Variants in AUTS2 observed in about 807,000 individuals in gnomAD.
AUTS2 encodes the protein autism susceptibility gene 2 protein.
In AUTS2, 17 loss-of-function variants were observed where a neutral mutation model predicts 112.4. The observed-to-expected ratio is 0.15, with a 90% CI of 0.10 to 0.23. The LOEUF is 0.23. Among genes scored for constraint, AUTS2 ranks in the 10% least tolerant of loss-of-function variants. The probability of loss-of-function intolerance (pLI) is 1.00; values close to 1 mark genes in which losing one functional copy is unlikely to be tolerated. For synonymous variants in AUTS2, 751 were observed against 702.7 expected (o/e 1.07, Z -1.09); for missense variants, 1,510 against 1,701.6 (o/e 0.89, Z 1.98).
intron 2 of AUTS2, among the ~76,000 whole-genome samples, chr7:70,028,814 A>G (rs1255629463): frequency 6.6e-6 from 1 of 152,132 alleles, no homozygotes; most frequent in South Asian, 2.1e-4. Context: ...TTTCACATGA[A>G]ATACTTATCT....
At chr7:70,480,517 G>T (rs556655908) in intron 5 of AUTS2, among the ~76,000 whole-genome samples, 7 of 152,240 alleles carry the variant, frequency 4.6e-5, no homozygotes, top group Non-Finnish European at 7.4e-5. Flanking sequence ...AGGACTGGAG[G>T]GACCAATCCA....
chr7:69,817,234 A>T (rs1303170719), intron 1 of AUTS2, among the ~76,000 whole-genome samples: 1 of 152,222 alleles, frequency 6.6e-6, no homozygotes, highest in East Asian at 1.9e-4. Context: ...CTAAGATATA[A>T]GCAGGATGCT....
chr7:69,742,464 G>A (rs1251106301), intron 1 of AUTS2, among the ~76,000 whole-genome samples: 1 of 152,126 alleles, frequency 6.6e-6, no homozygotes, highest in Non-Finnish European at 1.5e-5. Flanking sequence ...AAATAACAGT[G>A]GCTGTTACAT....
chr7:70,552,098 G>T (rs1291810579), intron 5 of AUTS2, among the ~76,000 whole-genome samples: 1 of 152,124 alleles, frequency 6.6e-6, no homozygotes, highest in Non-Finnish European at 1.5e-5. Flanking sequence ...GTGTATCTTT[G>T]TGTGTGTATG....
intron 4 of AUTS2, among the ~76,000 whole-genome samples, chr7:70,222,102 A>T (rs909684891): frequency 1.1e-4 from 16 of 152,216 alleles, no homozygotes; most frequent in African/African-American, 3.6e-4. Flanking sequence ...TTACCTATGG[A>T]TTAAATTTTT....
intron 5 of AUTS2, among the ~76,000 whole-genome samples, chr7:70,607,739 A>G (rs1447180616): frequency 6.6e-6 from 1 of 152,230 alleles, no homozygotes; most frequent in Admixed American, 6.5e-5. Flanking sequence ...GAAGTGGTAC[A>G]CACAAAAAAA....
chr7:70,517,778 A>G (rs1799478005), intron 5 of AUTS2, among the ~76,000 whole-genome samples: 1 of 151,966 alleles, frequency 6.6e-6, no homozygotes, highest in African/African-American at 2.4e-5. Flanking sequence ...AATGATAGAA[A>G]TTGCTCACTT....
At chr7:70,058,287 C>A (rs925904051) in intron 2 of AUTS2, among the ~76,000 whole-genome samples, 1 of 152,128 alleles carries the variant, frequency 6.6e-6, no homozygotes, top group South Asian at 2.1e-4. Context: ...TGGCTTTGTC[C>A]TATACATGTG....
At chr7:70,780,946 A>G (rs888581018) in intron 14 of AUTS2, among the ~76,000 whole-genome samples, 2 of 152,226 alleles carry the variant, frequency 1.3e-5, no homozygotes, top group Admixed American at 6.5e-5. Flanking sequence ...ATGAGCTTTA[A>G]GACACTATTA....
chr7:69,746,132 C>G (rs1395505934), intron 1 of AUTS2, among the ~76,000 whole-genome samples: 2 of 152,120 alleles, frequency 1.3e-5, no homozygotes, highest in Admixed American at 6.5e-5. Context: ...GCCCTAGCCT[C>G]CCAAAGTACT....
chr7:70,388,654 T>A (rs1793718201), intron 4 of AUTS2, among the ~76,000 whole-genome samples: 1 of 152,216 alleles, frequency 6.6e-6, no homozygotes, highest in Non-Finnish European at 1.5e-5. Context: ...TTTCACATCT[T>A]ATCTGACCCT....
At chr7:70,620,241 G>A (rs1349022589) in intron 5 of AUTS2, among the ~76,000 whole-genome samples, 2 of 152,280 alleles carry the variant, frequency 1.3e-5, no homozygotes, top group African/African-American at 4.8e-5. Flanking sequence ...GTGGAATTTT[G>A]TAGCTCATAG....
At chr7:70,595,928 G>T (rs1162134580) in intron 5 of AUTS2, among the ~76,000 whole-genome samples, 1 of 152,188 alleles carries the variant, frequency 6.6e-6, no homozygotes, top group Non-Finnish European at 1.5e-5. Context: ...GTGCCTTGCC[G>T]GGATGGCAGA....
At chr7:70,543,486 A>G (rs1258513836) in intron 5 of AUTS2, among the ~76,000 whole-genome samples, 1 of 150,672 alleles carries the variant, frequency 6.6e-6, no homozygotes, top group Non-Finnish European at 1.5e-5. Context: ...CTGAGATCGC[A>G]CCACTGCACT....
At chr7:69,929,598 G>A (rs970070992) in intron 2 of AUTS2, among the ~76,000 whole-genome samples, 1 of 151,758 alleles carries the variant, frequency 6.6e-6, no homozygotes, top group African/African-American at 2.4e-5. Context: ...TGTGTCTCAG[G>A]TTCACCAGTC....
intron 1 of AUTS2, among the ~76,000 whole-genome samples, chr7:69,759,098 G>T (rs1036133814): frequency 6.6e-6 from 1 of 152,092 alleles, no homozygotes; most frequent in Non-Finnish European, 1.5e-5. Context: ...TCTCCATTTG[G>T]TGGATAAGAA....
chr7:69,860,485 G>A (rs186855568), intron 1 of AUTS2, among the ~76,000 whole-genome samples: 33 of 152,006 alleles, frequency 2.2e-4, no homozygotes, highest in Non-Finnish European at 3.4e-4. Flanking sequence ...GATTCTCCTT[G>A]TGCTCTTTTC....
At chr7:70,628,515 A>G (rs896070454) in intron 5 of AUTS2, among the ~76,000 whole-genome samples, 1 of 152,060 alleles carries the variant, frequency 6.6e-6, no homozygotes, top group South Asian at 2.1e-4. Flanking sequence ...ATAATTTATC[A>G]TTGAAACTGA....
intron 12 of AUTS2, chr7:70,774,799 T>C (rs1790581938): frequency 6.5e-6 from 1 of 152,892 alleles, no homozygotes. Flanking sequence ...CAGAAATTGA[T>C]AACCAGAGTT....
Sources: allele counts gnomAD v4.1 joint callset (sites outside exome capture counted in the v4.1 genomes callset), GRCh38; gene constraint gnomAD v4.1.1; transcripts MANE v1.5; gene names NCBI Gene and HGNC (gene_info 2026-07-23, HGNC 2026-07-21).